Variants in SNAI2 observed in about 807,000 individuals in gnomAD.
SNAI2 encodes zinc finger protein SNAI2.
SNAI2 carries 2 observed loss-of-function variants against 22.4 expected under a neutral mutation model. That is an observed-to-expected ratio of 0.09 (90% CI 0.04 to 0.28). The LOEUF (loss-of-function observed/expected upper bound fraction) is 0.28, where lower values mean the gene tolerates loss of function less well. Ranked by LOEUF, SNAI2 falls within the 10% of genes least tolerant of loss-of-function variation. The probability of loss-of-function intolerance (pLI) is 1.00; values close to 1 mark genes in which losing one functional copy is unlikely to be tolerated. For synonymous variants in SNAI2, 134 were observed against 123.0 expected (o/e 1.09, Z -0.59); for missense variants, 239 against 320.8 (o/e 0.75, Z 1.95).
chr8:48,919,092 T>C, intron 2 of SNAI2, 104 bp from the exon 3 acceptor site: 1 of 1,116,678 alleles, frequency 9.0e-7, no homozygotes, highest in Non-Finnish European at 1.3e-6. Flanking sequence ...GCTTAAATAA[T>C]GAGAAGCAGC....
Position 48,918,888 on chromosome 8 carries a change from C to A in SNAI2, c.726G>T (p.Gln242His). 1 of 1,614,092 alleles carries A rather than the reference C, an allele frequency of 6.2e-7. No homozygotes were observed. Among genetic ancestry groups the A allele is most frequent in the African/African-American group, 1.3e-5 (1 of 75,010 alleles). Residue 242 changes from glutamine (Q) to histidine (H), a missense_variant, in exon 3 of 3, where the codon CAG becomes CAT. Physicochemically the swap from Gln to His is conservative, Grantham distance 24. Transcript: ENST00000020945. Reference protein sequence around the residue: ...LQTHSDVKKYQCKNCSKTFSR... With the variant: ...LQTHSDVKKYHCKNCSKTFSR... ...AGAAGGTTTTGGAGCAGTTTTTGCA[C>A]TGGTATTTCTTTACATCAGAATGGG...
chr8:48,918,022 A>G lies in SNAI2; in HGVS notation c.*785T>C, dbSNP rs1040257222. On this transcript the variant is annotated 3_prime_UTR_variant, in exon 3 of 3. Coordinates refer to ENST00000020945, the MANE Select transcript of SNAI2 (RefSeq NM_003068.5). The stretch of plus-strand genomic sequence containing the variant: ...TATGCATTTGAAATAGTTTAAGTAC[A>G]TTAATGAATTTGTAAGAATCCTCTT... 6.6e-6 allele frequency: 1 copy of G among 152,230 alleles called. No individual in the cohort carries two copies. Among genetic ancestry groups the G allele is most frequent in the African/African-American group, 2.4e-5 (1 of 41,466 alleles). The allele number at this position is 152,230 out of a possible 1,614,324, so 9.4% of individuals were successfully genotyped here.
chr8:48,919,567 G>A (rs1004359269), intron 2 of SNAI2, among the ~76,000 whole-genome samples: 2 of 152,188 alleles, frequency 1.3e-5, no homozygotes, highest in African/African-American at 4.8e-5. Flanking sequence ...GATTAAGATA[G>A]CAACATTTGT....
In SNAI2 at chr8:48,917,630, A is replaced by G. The variant is rs943242422; in HGVS notation, c.*1177T>C. On this transcript the variant is annotated 3_prime_UTR_variant, in exon 3 of 3. Coordinates refer to ENST00000020945, the MANE Select transcript of SNAI2 (RefSeq NM_003068.5). ...AATACTAGCAGCTTACTTTATTATA[A>G]TCTAACACATAAAATAACACTTCAG... 6.6e-6 allele frequency: 1 copy of G among 152,170 alleles called. No homozygotes were observed. The highest frequency in any genetic ancestry group is 2.4e-5 in the African/African-American group (1 of 41,454). 9.4% of individuals were successfully genotyped at this position (152,170 alleles called of 1,614,324 possible).
intron 2 of SNAI2, among the ~76,000 whole-genome samples, chr8:48,919,492 T>C (rs1806128947): frequency 6.6e-6 from 1 of 152,174 alleles, no homozygotes; most frequent in African/African-American, 2.4e-5. Context: ...GTGACAAATA[T>C]CAGAGCAAGA....
chr8:48,918,667 GTGTGTGTGTGCATA>G lies in SNAI2; in HGVS notation c.*126_*139del. ...CAGCTCTCTCTCTGTGGGTGTGTGTGTGTGTGTGTGCATATGTGTGTGTGTCTATACATATTATT... is the reference window on the plus strand; with the variant it reads ...CAGCTCTCTCTCTGTGGGTGTGTGTGTGTGTGTGTGTCTATACATATTATT... On this transcript the variant is annotated 3_prime_UTR_variant, in exon 3 of 3. Coordinates refer to ENST00000020945, the MANE Select transcript of SNAI2 (RefSeq NM_003068.5). 1 of 732,308 alleles carries G rather than the reference GTGTGTGTGTGCATA, an allele frequency of 1.4e-6. No homozygotes were observed. Among genetic ancestry groups the G allele is most frequent in the African/African-American group, 1.7e-5 (1 of 58,602 alleles). 45.4% of individuals were successfully genotyped at this position (732,308 alleles called of 1,614,324 possible). A position where few individuals can be genotyped will look rare whatever the true frequency, so the allele number is the denominator to read the frequency against.
rs1806160409 is a variant in SNAI2, at chr8:48,921,370, C to T, written c.-105G>A. On this transcript the variant is annotated 5_prime_UTR_variant, in exon 1 of 3. Transcript: ENST00000020945. ...GGGCCAGGCTCGGGCAGGGGCCGTG[C>T]TCAGGTGCGGCAGACGGACGGGCCG... 1.1e-6 allele frequency: 1 copy of T among 882,660 alleles called. No individual in the cohort carries two copies. Among genetic ancestry groups the T allele is most frequent in the East Asian group, 2.4e-5 (1 of 41,416 alleles). The allele number at this position is 882,660 out of a possible 1,614,324, so 54.7% of individuals were successfully genotyped here.
chr8:48,919,906 T>C lies in SNAI2; in HGVS notation c.615A>G (p.Arg205=). 6.2e-7 allele frequency: 1 copy of C among 1,613,948 alleles called. No individual in the cohort carries two copies. The highest frequency in any genetic ancestry group is 8.5e-7 in the Non-Finnish European group (1 of 1,180,022). ...SRPWLLQGHI[R]THTGEKPFSC... ...TGGTTTTTCTCTTACCCGTGTGAGTTCTAATGTGTCCTTGAAGCAACCAGG... is the reference window on the plus strand; with the variant it reads ...TGGTTTTTCTCTTACCCGTGTGAGTCCTAATGTGTCCTTGAAGCAACCAGG... The change falls in exon 2 of 3, where the codon AGA becomes AGG. Residue 205 remains arginine (R), a synonymous_variant. Coordinates refer to ENST00000020945, the MANE Select transcript of SNAI2 (RefSeq NM_003068.5).
chr8:48,920,636 T>A (rs1260137657), intron 1 of SNAI2, among the ~76,000 whole-genome samples, 195 bp from the exon 2 acceptor site: 1 of 152,180 alleles, frequency 6.6e-6, no homozygotes, highest in Non-Finnish European at 1.5e-5. Context: ...GGAGTTACTG[T>A]ACTTAATGCA....
rs549411169 is a variant in SNAI2 at position 48,920,284 on chromosome 8, G to A, written c.237C>T (p.Tyr79=). The A allele has an allele frequency of 6.9e-5, 111 of 1,613,206 alleles. No homozygotes were observed. The highest frequency in any genetic ancestry group is 9.3e-5 in the Non-Finnish European group (110 of 1,179,396). ...GACTCACTCGCCCCAAAGATGAGGA[G>A]TATCCGGAAAGAGGAGAGAGGCCAT... The part of the protein sequence containing the change: ...LPNGLSPLSG[Y]SSSLGRVSPP... The change falls in exon 2 of 3, where the codon TAC becomes TAT. Residue 79 remains tyrosine (Y), a synonymous_variant. Transcript: ENST00000020945.
intron 1 of SNAI2, 27 bp from the exon 2 acceptor site, chr8:48,920,468 G>A (rs1299071730): frequency 1.3e-6 from 2 of 1,585,670 alleles, no homozygotes; most frequent in Non-Finnish European, 1.7e-6. Flanking sequence ...AGGGAGAGAA[G>A]ATTAAGGCAA....
rs544948095 is a variant in SNAI2, at chr8:48,920,292, A to G, written c.229T>C (p.Ser77Pro). ...CGCCCCAAAGATGAGGAGTATCCGG[A>G]AAGAGGAGAGAGGCCATTGGGTAGC... Reference protein sequence around the residue: ...AQLPNGLSPLSGYSSSLGRVS... With the variant: ...AQLPNGLSPLPGYSSSLGRVS... The change falls in exon 2 of 3, where the codon TCC (serine) becomes CCC (proline). Residue 77 changes from serine to proline, a missense_variant. Around this residue, in one of 3 missense-constraint regions of SNAI2, gnomAD observed 183 missense variants for 190.4 expected, o/e 0.96. Transcript: ENST00000020945. 5.0e-6 allele frequency: 8 copies of G among 1,612,870 alleles called. No individual in the cohort carries two copies. The African/African-American group carries it at 9.3e-5, about 19-fold the overall frequency.
In SNAI2 at chr8:48,918,820, C is replaced by T. The variant is rs772639292; in HGVS notation, c.794G>A (p.Cys265Tyr). 1 of 1,614,172 alleles carries T rather than the reference C, an allele frequency of 6.2e-7. No homozygotes were observed. Among genetic ancestry groups the T allele is most frequent in the Non-Finnish European group, 8.5e-7 (1 of 1,180,020 alleles). Reference sequence around the variant, plus strand: ...TGATTGCGTCACTCAGTGTGCTACACAGCAGCCAGATTCCTCATGTTTGTG... The same window carrying T: ...TGATTGCGTCACTCAGTGTGCTACATAGCAGCCAGATTCCTCATGTTTGTG... ...LLHKHEESGC[C>Y]VAH Residue 265 changes from cysteine to tyrosine, a missense_variant, in exon 3 of 3, where the codon TGT (cysteine) becomes TAT (tyrosine). Coordinates refer to ENST00000020945, the MANE Select transcript of SNAI2 (RefSeq NM_003068.5).
intron 2 of SNAI2, among the ~76,000 whole-genome samples, chr8:48,919,283 G>C (rs1399107622): frequency 6.6e-6 from 1 of 152,198 alleles, no homozygotes; most frequent in Non-Finnish European, 1.5e-5. Context: ...AGCAGATGCA[G>C]CTAATGTTGA....
rs1453464161 is a variant in SNAI2, at chr8:48,921,415, G to T, written c.-150C>A. On this transcript the variant is annotated 5_prime_UTR_variant, in exon 1 of 3. Coordinates refer to ENST00000020945, the MANE Select transcript of SNAI2 (RefSeq NM_003068.5). ...GGGCCGGCGCCTCTGAAGTCACCCG[G>T]CTCCTTTACGAACTGAGCCCGTTTT... 1 of 685,076 alleles carries T rather than the reference G, an allele frequency of 1.5e-6. No homozygotes were observed. The highest frequency in any genetic ancestry group is 2.4e-5 in the Admixed American group (1 of 42,390). 42.4% of individuals were successfully genotyped at this position (685,076 alleles called of 1,614,324 possible).
At position 48,921,205 on chromosome 8, in the gene SNAI2, C is replaced by G; in HGVS notation, c.61G>C (p.Glu21Gln). Residue 21 changes from glutamate (E) to glutamine (Q), a missense_variant, in exon 1 of 3, where the codon GAA (glutamate) becomes CAA (glutamine). Glu to Gln is a conservative substitution (Grantham distance 29). Coordinates refer to ENST00000020945, the MANE Select transcript of SNAI2 (RefSeq NM_003068.5). ...TTTTTACCTGTATGTGTGTCCAGTT[C>G]GCTGTAGTTTGGCTTTTTGGAGGCG... is the stretch of plus-strand genomic sequence containing the variant. ...FNASKKPNYS[E>Q]LDTHTVIISP... The G allele has an allele frequency of 6.2e-7, 1 of 1,613,424 alleles. No homozygotes were observed. Among genetic ancestry groups the G allele is most frequent in the Non-Finnish European group, 8.5e-7 (1 of 1,179,552 alleles).
In SNAI2 at chr8:48,921,392, G is replaced by A. The variant is rs986105995; in HGVS notation, c.-127C>T. 4.0e-6 allele frequency: 3 copies of A among 759,170 alleles called. No homozygotes were observed. Among genetic ancestry groups the A allele is most frequent in the Admixed American group, 3.9e-5 (2 of 51,474 alleles). The allele number at this position is 759,170 out of a possible 1,614,324, so 47.0% of individuals were successfully genotyped here. A position where few individuals can be genotyped will look rare whatever the true frequency, so the allele number is the denominator to read the frequency against. On this transcript the variant is annotated 5_prime_UTR_variant, in exon 1 of 3. Coordinates refer to ENST00000020945, the MANE Select transcript of SNAI2 (RefSeq NM_003068.5). Reference sequence around the variant, plus strand: ...GTGCTCAGGTGCGGCAGACGGACGGGCCGGCGCCTCTGAAGTCACCCGGCT... The same window carrying A: ...GTGCTCAGGTGCGGCAGACGGACGGACCGGCGCCTCTGAAGTCACCCGGCT...
chr8:48,921,096 C>T (rs1360890359), intron 1 of SNAI2, 91 bp downstream of exon 1: 1 of 960,548 alleles, frequency 1.0e-6, no homozygotes, highest in East Asian at 2.4e-5. Context: ...GAATCTTTGG[C>T]TCTTTTGTAA....
Position 48,921,269 on chromosome 8 carries a change from GCCAGCGGGTCTGGCGGGCGC to G in SNAI2, c.-24_-5del, listed in dbSNP as rs1806157747. ...TGACCAGGAAGGAGCGCGGCATCTT[GCCAGCGGGTCTGGCGGGCGC>G]CCGGCGCGGATAACGGTCCGGCGGG... On this transcript the variant is annotated 5_prime_UTR_variant, in exon 1 of 3. Coordinates refer to ENST00000020945, the MANE Select transcript of SNAI2 (RefSeq NM_003068.5). The G allele has an allele frequency of 6.2e-7, 1 of 1,611,632 alleles. No homozygotes were observed. Among genetic ancestry groups the G allele is most frequent in the Non-Finnish European group, 8.5e-7 (1 of 1,179,378 alleles).
Sources: allele counts gnomAD v4.1 joint callset (sites outside exome capture counted in the v4.1 genomes callset), GRCh38; gene constraint gnomAD v4.1.1; regional missense constraint gnomAD v4.1.1; transcripts MANE v1.5; gene names NCBI Gene and HGNC (gene_info 2026-07-23, HGNC 2026-07-21).